DMRT1: variants seen among roughly 807,000 people sequenced by gnomAD.
The protein encoded by DMRT1 is doublesex and mab-3 related transcription factor 1, also known as doublesex- and mab-3-related transcription factor 1.
In DMRT1, 7 loss-of-function variants were observed where a neutral mutation model predicts 32.3. The observed-to-expected ratio is 0.22, with a 90% confidence interval of 0.12 to 0.41. The LOEUF is 0.41. Ranked by LOEUF, DMRT1 falls within the 10% of genes least tolerant of loss-of-function variation. DMRT1 has a pLI of 1.00. For synonymous variants in DMRT1, 278 were observed against 206.1 expected, an observed-to-expected ratio of 1.35 and a Z score of -2.99; for missense variants, 625 against 500.5, an observed-to-expected ratio of 1.25 and a Z score of -2.37.
intron 3 of DMRT1, among the ~76,000 whole-genome samples, chr9:914,204 T>A (rs1397517545): frequency 6.6e-6 from 1 of 152,096 alleles, no homozygotes; most frequent in African/African-American, 2.4e-5. Context: ...TGCTGTGTGG[T>A]CTTATTTATT....
chr9:878,205 C>CCG (rs1554749496), intron 2 of DMRT1, among the ~76,000 whole-genome samples: 1 of 114,220 alleles, frequency 8.8e-6, no homozygotes, highest in Non-Finnish European at 1.8e-5. Context: ...CTGCTGCCCC[C>CCG]CCCCCACCCA....
chr9:882,502 GCACTGTTAAT>G (rs1269535008), intron 2 of DMRT1, among the ~76,000 whole-genome samples: 1 of 152,040 alleles, frequency 6.6e-6, no homozygotes, highest in African/African-American at 2.4e-5. Context: ...ATTCTCCTTT[GCACTGTTAAT>G]CACCTGAGCT....
chr9:924,095 G>A (rs1473786899), intron 4 of DMRT1, among the ~76,000 whole-genome samples: 5 of 98,806 alleles, frequency 5.1e-5, no homozygotes, highest in African/African-American at 7.0e-5. Context: ...TTTTCCACCT[G>A]GAGTCTCTCT....
chr9:862,598 T>G (rs906852298), intron 2 of DMRT1, among the ~76,000 whole-genome samples: 2 of 151,974 alleles, frequency 1.3e-5, no homozygotes, highest in Non-Finnish European at 2.9e-5. Flanking sequence ...TGAAGGGAAC[T>G]GGGTGAGAGA....
chr9:856,384 C>T (rs12351866), intron 2 of DMRT1, among the ~76,000 whole-genome samples: 3,604 of 152,246 alleles, frequency 0.024, 146 homozygotes, highest in African/African-American at 0.082. Flanking sequence ...ACATTTCAGT[C>T]ACTCCCCATG....
chr9:900,681 A>G (rs1345007586), intron 3 of DMRT1, among the ~76,000 whole-genome samples: 1 of 151,874 alleles, frequency 6.6e-6, no homozygotes, highest in African/African-American at 2.4e-5. Flanking sequence ...TGCAAAATCT[A>G]CTTAATTTTT....
At chr9:877,751 T>A (rs953213047) in intron 2 of DMRT1, among the ~76,000 whole-genome samples, 22 of 152,220 alleles carry the variant, frequency 1.4e-4, no homozygotes, top group Admixed American at 1.4e-3. Flanking sequence ...AAAGGGAGTA[T>A]AAAGGGCTCC....
chr9:931,410 G>A (rs1818720378), intron 4 of DMRT1, among the ~76,000 whole-genome samples: 1 of 152,190 alleles, frequency 6.6e-6, no homozygotes, highest in South Asian at 2.1e-4. Context: ...GAGGAATGTG[G>A]TGCATATGGA....
chr9:929,743 A>C (rs555511630), intron 4 of DMRT1, among the ~76,000 whole-genome samples: 1 of 152,152 alleles, frequency 6.6e-6, no homozygotes, highest in African/African-American at 2.4e-5. Context: ...GTGACTCTTA[A>C]AGCTGTTCTG....
At chr9:909,623 G>A (rs1376225550) in intron 3 of DMRT1, among the ~76,000 whole-genome samples, 1 of 152,080 alleles carries the variant, frequency 6.6e-6, no homozygotes, top group Admixed American at 6.5e-5. Flanking sequence ...TTATAAAAAG[G>A]TTTCTGTTCA....
chr9:882,688 A>G (rs1816777708), intron 2 of DMRT1, among the ~76,000 whole-genome samples: 1 of 142,366 alleles, frequency 7.0e-6, no homozygotes, highest in African/African-American at 2.6e-5. Flanking sequence ...TCATGTTTGT[A>G]TTTTCCCGTC....
At chr9:953,407 A>T (rs942364268) in intron 4 of DMRT1, among the ~76,000 whole-genome samples, 3 of 152,214 alleles carry the variant, frequency 2.0e-5, no homozygotes, top group Non-Finnish European at 2.9e-5. Context: ...CTGCCTCATT[A>T]ACTCGCCATC....
At chr9:849,831 T>TC (rs34336733) in intron 2 of DMRT1, among the ~76,000 whole-genome samples, 17 of 16,592 alleles carry the variant, frequency 1.0e-3, no homozygotes, top group African/African-American at 2.3e-3. Flanking sequence ...CTCTCTCTCT[T>TC]TTTTTTTTTG....
chr9:907,685 A>G (rs1168760874), intron 3 of DMRT1, among the ~76,000 whole-genome samples: 1 of 152,230 alleles, frequency 6.6e-6, no homozygotes, highest in Non-Finnish European at 1.5e-5. Context: ...ACACACATAC[A>G]CAAAATGACA....
chr9:954,179 T>C (rs76166825), intron 4 of DMRT1, among the ~76,000 whole-genome samples: 1,717 of 152,166 alleles, frequency 0.011, 32 homozygotes, highest in African/African-American at 0.04. Context: ...GGCAATCAGA[T>C]TGCTCTTGAA....
chr9:845,829 C>A (rs1430007420), intron 1 of DMRT1, among the ~76,000 whole-genome samples: 2 of 152,186 alleles, frequency 1.3e-5, no homozygotes, highest in Non-Finnish European at 2.9e-5. Context: ...ACTGCCCCTT[C>A]ATCCTTGCCT....
Position 968,365 on chromosome 9 carries a change from A to G in DMRT1, c.*226A>G, listed in dbSNP as rs1251014492. ...GTGCTTTACTCACGGAGTTTAAATA[A>G]TAGTGTTCATTTTTTTAATGACACT... On this transcript the variant is annotated 3_prime_UTR_variant, in exon 5 of 5. Transcript: ENST00000382276. 1.9e-6 allele frequency: 1 copy of G among 527,986 alleles called. No individual in the cohort carries two copies. Among genetic ancestry groups the G allele is most frequent in the Non-Finnish European group, 3.4e-6 (1 of 296,686 alleles). 32.7% of individuals were successfully genotyped at this position (527,986 alleles called of 1,614,324 possible).
intron 2 of DMRT1, among the ~76,000 whole-genome samples, chr9:849,055 T>C (rs577026697): frequency 3.3e-5 from 5 of 151,184 alleles, no homozygotes; most frequent in South Asian, 4.2e-4. Flanking sequence ...AGGTTTTCCA[T>C]AGGGGAGTAA....
At chr9:876,159 T>C (rs531060563) in intron 2 of DMRT1, among the ~76,000 whole-genome samples, 18 of 152,296 alleles carry the variant, frequency 1.2e-4, no homozygotes, top group African/African-American at 4.3e-4. Flanking sequence ...GTAGCTTGTG[T>C]ATATCCTTTG....
Sources: gnomAD v4.1 joint callset for allele counts (sites outside exome capture counted in the v4.1 genomes callset) on GRCh38, gnomAD v4.1.1 for gene constraint, MANE v1.5 for transcripts, NCBI Gene and HGNC (gene_info 2026-07-23, HGNC 2026-07-21) for gene names.